ARHGAP35: variants seen among roughly 807,000 people sequenced by gnomAD.
The protein encoded by ARHGAP35 is rho GTPase-activating protein 35.
Under a neutral mutation model 111.1 loss-of-function variants are expected in ARHGAP35, and 15 were observed. The ratio of observed to expected loss-of-function variants is 0.13; its 90% CI spans 0.09 to 0.21. The LOEUF (loss-of-function observed/expected upper bound fraction) is 0.21. Among genes scored for constraint, ARHGAP35 ranks in the 10% least tolerant of loss-of-function variants. ARHGAP35 has a pLI of 1.00. For synonymous variants in ARHGAP35, 643 were observed against 710.3 expected (o/e 0.91, Z 1.51); for missense variants, 1,262 against 1,873.0 (o/e 0.67, Z 6.02).
chr19:46,940,631 A>G (rs1023224363), intron 3 of ARHGAP35, among the ~76,000 whole-genome samples: 36 of 102,208 alleles, frequency 3.5e-4, no homozygotes, highest in African/African-American at 1.3e-3. Flanking sequence ...AATTTTTTGT[A>G]TTTTTGGTAG....
rs565578046 is a variant in ARHGAP35, at chr19:46,877,388, C to A, written c.-189+16179C>A. Among the ~76,000 whole-genome samples, 231 of 151,668 alleles carry A rather than the reference C, an allele frequency of 1.5e-3. 1 individual carries two copies. The highest frequency in any genetic ancestry group is 5.3e-3 in the African/African-American group (218 of 41,350). ...GACCAGCCTGGCCAAAGTGGTGAAA[C>A]CCTGTCTCTACTAAAAATACAAAAA... On this transcript the variant is annotated intron_variant, in intron 1 of 6. Transcript: ENST00000672722.
At chr19:46,879,342 A>T (rs1018108568) in intron 1 of ARHGAP35, among the ~76,000 whole-genome samples, 4 of 152,102 alleles carry the variant, frequency 2.6e-5, no homozygotes, top group African/African-American at 9.7e-5. Flanking sequence ...TAATCCCAGC[A>T]CTTAGGGAGG....
At chr19:46,909,336 A>T (rs1260967200) in intron 1 of ARHGAP35, among the ~76,000 whole-genome samples, 1 of 151,986 alleles carries the variant, frequency 6.6e-6, no homozygotes. Flanking sequence ...AGGCCAGATT[A>T]TTTTCAAAAC....
chr19:46,865,038 A>T (rs954185676), intron 1 of ARHGAP35, among the ~76,000 whole-genome samples: 1 of 152,174 alleles, frequency 6.6e-6, no homozygotes, highest in South Asian at 2.1e-4. Flanking sequence ...TGATTTTTCC[A>T]CCTTAACTGG....
intron 1 of ARHGAP35, among the ~76,000 whole-genome samples, chr19:46,916,477 T>G (rs924900550): frequency 1.3e-5 from 2 of 152,114 alleles, no homozygotes; most frequent in African/African-American, 4.8e-5. Context: ...AGGCTGGGCT[T>G]GGGGACCTTT....
intron 2 of ARHGAP35, among the ~76,000 whole-genome samples, chr19:46,931,186 C>T (rs138279975): frequency 6.6e-6 from 1 of 152,220 alleles, no homozygotes; most frequent in East Asian, 1.9e-4. Context: ...AGATAGTCTG[C>T]GTCTCAGCTC....
intron 3 of ARHGAP35, among the ~76,000 whole-genome samples, chr19:46,951,314 G>A (rs952078679): frequency 6.6e-6 from 1 of 152,208 alleles, no homozygotes; most frequent in Non-Finnish European, 1.5e-5. Context: ...ACAGGGGGCG[G>A]GGATGGGGAA....
At chr19:46,914,245 C>T (rs994281166) in intron 1 of ARHGAP35, among the ~76,000 whole-genome samples, 1 of 152,134 alleles carries the variant, frequency 6.6e-6, no homozygotes, top group Non-Finnish European at 1.5e-5. Context: ...AAATTAACCA[C>T]TTCCATGCCA....
Position 46,922,455 on chromosome 19 carries a change from A to G in ARHGAP35, c.3681+99A>G. 8.3e-7 allele frequency: 1 copy of G among 1,211,016 alleles called. No homozygotes were observed. The highest frequency in any genetic ancestry group is 1.1e-6 in the Non-Finnish European group (1 of 899,444). 75.0% of individuals were successfully genotyped at this position (1,211,016 alleles called of 1,614,324 possible). ...TCAAGGACAACCTATTCTGGTAAAA[A>G]AAAAACTGCCCTGTGTGTGTATTTG... On this transcript the variant is annotated intron_variant, in intron 2 of 6. Coordinates refer to ENST00000672722, the MANE Select transcript of ARHGAP35 (RefSeq NM_004491.5). This position sits in a 1 kb window ranked among gnomAD's most constrained non-coding sequence, Gnocchi z 4.0.
At chr19:46,971,404 T>TCA (rs909398890) in intron 3 of ARHGAP35, among the ~76,000 whole-genome samples, 14 of 150,910 alleles carry the variant, frequency 9.3e-5, no homozygotes, top group African/African-American at 3.2e-4. Flanking sequence ...AGACTCCATC[T>TCA]CACACACACA....
At chr19:46,946,976 G>T (rs139559053) in intron 3 of ARHGAP35, 2 of 152,320 alleles carry the variant, frequency 1.3e-5, no homozygotes, top group East Asian at 3.9e-4. Context: ...TGTAAATGGT[G>T]CCTTCTTTAT....
intron 3 of ARHGAP35, among the ~76,000 whole-genome samples, chr19:46,962,047 T>C (rs555474018): frequency 6.6e-6 from 1 of 152,166 alleles, no homozygotes; most frequent in East Asian, 1.9e-4. Context: ...GAGTAGAGGC[T>C]GGTAGAGGGC....
intron 2 of ARHGAP35, among the ~76,000 whole-genome samples, chr19:46,924,065 A>AT (rs1297113918): frequency 6.6e-6 from 1 of 152,148 alleles, no homozygotes; most frequent in Non-Finnish European, 1.5e-5. Flanking sequence ...ATATAGAAGG[A>AT]TTTTTTCACG....
At chr19:46,942,550 T>C (rs1248497802) in intron 3 of ARHGAP35, among the ~76,000 whole-genome samples, 1 of 152,056 alleles carries the variant, frequency 6.6e-6, no homozygotes, top group Non-Finnish European at 1.5e-5. Flanking sequence ...GGTGGGAGAA[T>C]TACTTGAACC....
intron 3 of ARHGAP35, among the ~76,000 whole-genome samples, chr19:46,980,117 T>G (rs988575065): frequency 2.6e-5 from 4 of 152,056 alleles, no homozygotes; most frequent in African/African-American, 9.7e-5. Flanking sequence ...GGGCGCGGTG[T>G]CTCATGCCTG....
At chr19:46,953,579 G>T (rs1362852774) in intron 3 of ARHGAP35, among the ~76,000 whole-genome samples, 4 of 152,190 alleles carry the variant, frequency 2.6e-5, no homozygotes, top group Non-Finnish European at 4.4e-5. Flanking sequence ...CCTCGCCCTT[G>T]AGGACTTGTG....
At chr19:46,946,079 T>G (rs2056377883) in intron 3 of ARHGAP35, among the ~76,000 whole-genome samples, 1 of 152,246 alleles carries the variant, frequency 6.6e-6, no homozygotes, top group Admixed American at 6.5e-5. Flanking sequence ...GACACAGTTT[T>G]GTTAGTGCAG....
At chr19:46,930,222 G>T in intron 2 of ARHGAP35, among the ~76,000 whole-genome samples, 1 of 151,810 alleles carries the variant, frequency 6.6e-6, no homozygotes, top group East Asian at 1.9e-4. Context: ...ATCTGGGCGC[G>T]GTGGCACACA....
chr19:46,868,292 T>C (rs2055869233), intron 1 of ARHGAP35, among the ~76,000 whole-genome samples: 1 of 152,210 alleles, frequency 6.6e-6, no homozygotes, highest in Admixed American at 6.5e-5. Flanking sequence ...AATTTGTTTA[T>C]TTTATTAGGC....
Sources: allele counts gnomAD v4.1 joint callset (sites outside exome capture counted in the v4.1 genomes callset), GRCh38; gene constraint gnomAD v4.1.1; non-coding constraint Gnocchi (gnomAD v3.1); transcripts MANE v1.5; gene names NCBI Gene and HGNC (gene_info 2026-07-23, HGNC 2026-07-21).